PTK2: variants seen among roughly 807,000 people sequenced by gnomAD.
PTK2 encodes protein tyrosine kinase 2.
In PTK2, 45 loss-of-function variants were observed where a neutral mutation model predicts 150.1. The ratio of observed to expected loss-of-function variants is 0.30; its 90% confidence interval spans 0.24 to 0.38. The LOEUF (loss-of-function observed/expected upper bound fraction) is 0.38. Among genes scored for constraint, PTK2 ranks in the 10% least tolerant of loss-of-function variants. The probability of loss-of-function intolerance (pLI) is 1.00; values close to 1 mark genes in which losing one functional copy is unlikely to be tolerated. For missense variants in PTK2, 919 were observed against 1,307.3 expected, an observed-to-expected ratio of 0.70 and a Z score of 4.58; for synonymous variants, 432 against 449.2, an observed-to-expected ratio of 0.96 and a Z score of 0.48.
chr8:140,697,895 G>A (rs1183972287), intron 26 of PTK2, among the ~76,000 whole-genome samples: 1 of 95,560 alleles, frequency 1.0e-5, no homozygotes, highest in East Asian at 3.5e-4. Flanking sequence ...ACAGGGTCTT[G>A]CTAAGCCCAG....
intron 19 of PTK2, 65 bp from the exon 23 acceptor site, chr8:140,743,395 A>G (rs1471649650): frequency 3.8e-6 from 5 of 1,310,094 alleles, no homozygotes; most frequent in African/African-American, 1.5e-5. Flanking sequence ...AAGCTCATAT[A>G]TAAAGACATA....
intron 24 of PTK2, among the ~76,000 whole-genome samples, chr8:140,704,440 GACAGACAGCC>G (rs1241834025): frequency 6.6e-6 from 1 of 152,200 alleles, no homozygotes; most frequent in Non-Finnish European, 1.5e-5. Flanking sequence ...CTGCACTGGT[GACAGACAGCC>G]ACTAACAAAC....
intron 8 of PTK2, among the ~76,000 whole-genome samples, chr8:140,828,953 A>G (rs1034332032): frequency 2.6e-5 from 4 of 152,050 alleles, no homozygotes; most frequent in East Asian, 1.9e-4. Flanking sequence ...ATCTGACTCA[A>G]CCCACTCATG....
At chr8:140,845,934 T>C (rs1172915635) in intron 7 of PTK2, among the ~76,000 whole-genome samples, 1 of 152,170 alleles carries the variant, frequency 6.6e-6, no homozygotes, top group African/African-American at 2.4e-5. Context: ...TAGTAACTTA[T>C]ACAGAGAACA....
At chr8:140,978,562 T>C (rs1023816645) in intron 1 of PTK2, among the ~76,000 whole-genome samples, 7 of 151,714 alleles carry the variant, frequency 4.6e-5, no homozygotes, top group African/African-American at 9.7e-5. Context: ...CACAATGAGA[T>C]ACCATCTCAC....
chr8:140,795,613 ACT>A (rs1051622688), intron 12 of PTK2, among the ~76,000 whole-genome samples: 2 of 151,746 alleles, frequency 1.3e-5, no homozygotes, highest in Admixed American at 6.6e-5. Context: ...CTATTAATTT[ACT>A]CTGTTTATCG....
At chr8:140,804,405 G>A (rs2100097098) in intron 10 of PTK2, among the ~76,000 whole-genome samples, 1 of 151,294 alleles carries the variant, frequency 6.6e-6, no homozygotes. Flanking sequence ...GGGCAACATA[G>A]TGAGACCCTT....
At chr8:140,683,179 C>G (rs924773836) in intron 27 of PTK2, among the ~76,000 whole-genome samples, 6 of 152,084 alleles carry the variant, frequency 3.9e-5, no homozygotes, top group Non-Finnish European at 7.4e-5. Context: ...TTACCACCAA[C>G]CCCACAGAAA....
intron 3 of PTK2, 88 bp from the exon 4 acceptor site, chr8:140,879,725 A>G: frequency 9.7e-7 from 1 of 1,034,454 alleles, no homozygotes; most frequent in Non-Finnish European, 1.3e-6. Context: ...AAAACAAAAC[A>G]AAAAAAAAAC....
intron 1 of PTK2, among the ~76,000 whole-genome samples, chr8:140,987,853 C>A (rs1032850025): frequency 6.6e-6 from 1 of 152,042 alleles, no homozygotes; most frequent in African/African-American, 2.4e-5. Context: ...CACCAGCCTG[C>A]GAAACATGAC....
chr8:140,737,113 T>C (rs1004420813), intron 21 of PTK2, among the ~76,000 whole-genome samples: 5 of 152,224 alleles, frequency 3.3e-5, no homozygotes, highest in Non-Finnish European at 7.3e-5. Flanking sequence ...AATGTGTTCC[T>C]GGCACACTTC....
intron 1 of PTK2, among the ~76,000 whole-genome samples, chr8:140,992,727 T>C (rs2100196221): frequency 6.6e-6 from 1 of 152,144 alleles, no homozygotes. Context: ...CTGCAAAATC[T>C]CAGGGAGAGA....
chr8:140,836,666 C>T (rs2100118826), intron 7 of PTK2, among the ~76,000 whole-genome samples: 1 of 152,234 alleles, frequency 6.6e-6, no homozygotes, highest in South Asian at 2.1e-4. Context: ...TAACTAAGCT[C>T]AGCTAATTTT....
chr8:140,789,280 T>TAA (rs201077713), intron 14 of PTK2, among the ~76,000 whole-genome samples, 194 bp downstream of exon 14: 256 of 123,700 alleles, frequency 2.1e-3, no homozygotes, highest in Admixed American at 3.0e-3. Flanking sequence ...TGTCCCATCT[T>TAA]AAAAAAAAAA....
chr8:140,965,777 T>C (rs139004236), intron 1 of PTK2, among the ~76,000 whole-genome samples: 72 of 152,288 alleles, frequency 4.7e-4, no homozygotes, highest in Non-Finnish European at 9.3e-4. Flanking sequence ...CTTGGGAGGC[T>C]GAGACAGGAG....
At chr8:140,902,789 A>T (rs536180852) in intron 2 of PTK2, among the ~76,000 whole-genome samples, 2 of 151,734 alleles carry the variant, frequency 1.3e-5, no homozygotes, top group East Asian at 3.9e-4. Context: ...TCCTTCGCCC[A>T]CTTTTTGGTG....
At chr8:140,883,846 G>A (rs1025589975) in intron 3 of PTK2, among the ~76,000 whole-genome samples, 1 of 151,916 alleles carries the variant, frequency 6.6e-6, no homozygotes, top group Non-Finnish European at 1.5e-5. Context: ...CACAACAAGT[G>A]CATTATCTTT....
chr8:140,709,304 C>T (rs2100035491), intron 23 of PTK2, among the ~76,000 whole-genome samples: 1 of 152,150 alleles, frequency 6.6e-6, no homozygotes, highest in Non-Finnish European at 1.5e-5. Context: ...AACTGGGTAG[C>T]AAATGATAAC....
At chr8:140,898,494 A>G (rs868311592) in intron 2 of PTK2, among the ~76,000 whole-genome samples, 1 of 152,214 alleles carries the variant, frequency 6.6e-6, no homozygotes, top group Admixed American at 6.5e-5. Context: ...TAACATAGGA[A>G]ACATATCAAG....
Sources: gnomAD v4.1 joint callset for allele counts (sites outside exome capture counted in the v4.1 genomes callset) on GRCh38, gnomAD v4.1.1 for gene constraint, MANE v1.5 for transcripts, NCBI Gene and HGNC (gene_info 2026-07-23, HGNC 2026-07-21) for gene names.